Variants in BICD1 observed in about 807,000 individuals in gnomAD.
BICD1 encodes the protein BICD cargo adaptor 1, also known as protein bicaudal D homolog 1.
BICD1 carries 35 observed loss-of-function variants against 92.5 expected under a neutral mutation model. The observed-to-expected ratio is 0.38, with a 90% CI of 0.29 to 0.50. The LOEUF (loss-of-function observed/expected upper bound fraction) is 0.50, where lower values mean the gene tolerates loss of function less well. BICD1 is among the 20% of genes least tolerant of loss of function. The probability of loss-of-function intolerance (pLI) is 0.93; values close to 1 mark genes in which losing one functional copy is unlikely to be tolerated. For synonymous variants in BICD1, 429 were observed against 465.1 expected (o/e 0.92, Z 1.00); for missense variants, 950 against 1,189.8 (o/e 0.80, Z 2.97).
Position 32,305,936 on chromosome 12 carries a change from C to G in BICD1, c.819C>G (p.Ala273=), listed in dbSNP as rs200219193. Residue 273 remains alanine, a synonymous_variant, in exon 4 of 10, where the codon GCC becomes GCG. Coordinates refer to ENST00000652176, the MANE Select transcript of BICD1 (RefSeq NM_001714.4). ...ISISVDGLKF[A]EDGSEPNNDD... is the part of the protein sequence containing the mutation. The stretch of plus-strand genomic sequence containing the variant: ...TCTCAGTAGATGGACTCAAATTTGC[C>G]GAGGATGGGAGTGAACCAAACAATG... 7 of 1,613,932 alleles carry G rather than the reference C, an allele frequency of 4.3e-6. No homozygotes were observed. Among genetic ancestry groups the G allele is most frequent in the Non-Finnish European group, 3.4e-6 (4 of 1,180,026 alleles).
intron 1 of BICD1, among the ~76,000 whole-genome samples, chr12:32,121,919 T>C (rs1391390508): frequency 1.3e-5 from 2 of 151,570 alleles, no homozygotes; most frequent in Non-Finnish European, 2.9e-5. Flanking sequence ...GCTCAAGTGA[T>C]CCTCCTGCCT....
chr12:32,172,115 A>T (rs1244467540), intron 1 of BICD1, among the ~76,000 whole-genome samples: 1 of 152,144 alleles, frequency 6.6e-6, no homozygotes, highest in African/African-American at 2.4e-5. Context: ...CTGGGCACGA[A>T]TGCACACATT....
In BICD1 at chr12:32,213,181, C is replaced by A. The variant is rs139033762; in HGVS notation, c.214-3066C>A. Among the ~76,000 whole-genome samples, 243 of 152,322 alleles carry A rather than the reference C, an allele frequency of 1.6e-3. 1 individual carries two copies. Among genetic ancestry groups the A allele is most frequent in the African/African-American group, 5.5e-3 (227 of 41,576 alleles). ...AATCTAGAATCCCATACAACACTTACTTGTCACGTCTTGTTAGTCTCATCT... is the reference window on the plus strand; with the variant it reads ...AATCTAGAATCCCATACAACACTTAATTGTCACGTCTTGTTAGTCTCATCT... On this transcript the variant is annotated intron_variant, in intron 1 of 9. Transcript: ENST00000652176.
chr12:32,198,322 G>GAATATATATA (rs1565581365), intron 1 of BICD1, among the ~76,000 whole-genome samples: 1 of 45,744 alleles, frequency 2.2e-5, no homozygotes. Flanking sequence ...GGAATAATAT[G>GAATATATATA]CATCTATCTA....
intron 1 of BICD1, among the ~76,000 whole-genome samples, chr12:32,142,839 C>T (rs2121383774): frequency 6.6e-6 from 1 of 152,290 alleles, no homozygotes; most frequent in South Asian, 2.1e-4. Flanking sequence ...CTCTTGTGGA[C>T]TTTATGAAAT....
intron 1 of BICD1, among the ~76,000 whole-genome samples, chr12:32,169,887 C>T (rs200165877): frequency 2.0e-5 from 3 of 152,112 alleles, no homozygotes; most frequent in South Asian, 2.1e-4. Context: ...TGAGCCACTG[C>T]GCCTGGCCCC....
intron 2 of BICD1, among the ~76,000 whole-genome samples, chr12:32,286,705 A>T (rs957316100): frequency 6.6e-6 from 1 of 152,178 alleles, no homozygotes; most frequent in Non-Finnish European, 1.5e-5. Context: ...ACAACACAGG[A>T]AGCTGTCATC....
chr12:32,180,468 A>C (rs1944239069), intron 1 of BICD1, among the ~76,000 whole-genome samples: 1 of 151,930 alleles, frequency 6.6e-6, no homozygotes, highest in Non-Finnish European at 1.5e-5. Context: ...TCAAATTTTT[A>C]ATTTCTGAAC....
intron 1 of BICD1, among the ~76,000 whole-genome samples, chr12:32,116,510 C>CTATATATATA (rs370907481): frequency 8.3e-4 from 87 of 104,354 alleles, no homozygotes; most frequent in South Asian, 3.0e-3. Flanking sequence ...CTCTCTCTCT[C>CTATATATATA]TATATATATA....
At chr12:32,326,966 C>T (rs1209044947) in intron 4 of BICD1, among the ~76,000 whole-genome samples, 1 of 152,146 alleles carries the variant, frequency 6.6e-6, no homozygotes, top group Admixed American at 6.5e-5. Flanking sequence ...TTAAAGTACT[C>T]AGCATTATTT....
intron 2 of BICD1, among the ~76,000 whole-genome samples, chr12:32,255,819 C>T (rs191917364): frequency 4.3e-4 from 65 of 152,304 alleles, no homozygotes; most frequent in African/African-American, 1.5e-3. Flanking sequence ...CTCCCTTGGC[C>T]AGCTGGCCTG....
At chr12:32,159,682 C>T (rs55809651) in intron 1 of BICD1, among the ~76,000 whole-genome samples, 8 of 152,266 alleles carry the variant, frequency 5.3e-5, no homozygotes, top group Middle Eastern at 3.4e-3. Context: ...TTGGTGTGTC[C>T]GTCATTACTG....
rs764833286 is a variant in BICD1, at chr12:32,293,975, G to C, written c.427-19G>C. The C allele has an allele frequency of 6.2e-7, 1 of 1,608,064 alleles. No homozygotes were observed. The highest frequency in any genetic ancestry group is 8.5e-7 in the Non-Finnish European group (1 of 1,177,530). Reference sequence around the variant, plus strand: ...ACAATAAGAGAGTTATATATTGACTGTTTACTCTGTTGTTTCAGAACAATG... The same window carrying C: ...ACAATAAGAGAGTTATATATTGACTCTTTACTCTGTTGTTTCAGAACAATG... On this transcript the variant is annotated intron_variant, in intron 2 of 9. Transcript: ENST00000652176.
chr12:32,350,876 C>A (rs547413141), intron 8 of BICD1, among the ~76,000 whole-genome samples: 1 of 152,278 alleles, frequency 6.6e-6, no homozygotes, highest in African/African-American at 2.4e-5. Flanking sequence ...TCCTTTGTCA[C>A]CTCTCAGCCA....
At chr12:32,177,682 A>ATTCTTTTTTTTTTTTTT (rs766041969) in intron 1 of BICD1, among the ~76,000 whole-genome samples, 4 of 43,036 alleles carry the variant, frequency 9.3e-5, no homozygotes, top group Non-Finnish European at 1.3e-4. Context: ...AAGAAAACAC[A>ATTCTTTTTTTTTTTTTT]TTATTAAAGT....
chr12:32,149,225 A>G (rs1241846410), intron 1 of BICD1, among the ~76,000 whole-genome samples: 1 of 148,070 alleles, frequency 6.8e-6, no homozygotes, highest in Non-Finnish European at 1.5e-5. Flanking sequence ...TACTAAATAT[A>G]GATCTTGGGT....
intron 3 of BICD1, among the ~76,000 whole-genome samples, chr12:32,303,109 AT>A (rs1453077418): frequency 7.3e-5 from 11 of 151,252 alleles, no homozygotes; most frequent in Non-Finnish European, 1.6e-4. Context: ...TAATTTTCTT[AT>A]TTTTTGTAGA....
chr12:32,327,430 G>A (rs1199356783), intron 4 of BICD1, 31 bp from the exon 5 acceptor site: 2 of 1,571,270 alleles, frequency 1.3e-6, no homozygotes, highest in African/African-American at 1.3e-5. Flanking sequence ...CTGCCTTGAG[G>A]TGATTCAGAA....
chr12:32,278,474 T>G (rs1947330902), intron 2 of BICD1, among the ~76,000 whole-genome samples: 1 of 152,164 alleles, frequency 6.6e-6, no homozygotes, highest in Non-Finnish European at 1.5e-5. Flanking sequence ...ATTATAGTAT[T>G]TTATATCTGC....
Sources: allele counts gnomAD v4.1 joint callset (sites outside exome capture counted in the v4.1 genomes callset), GRCh38; gene constraint gnomAD v4.1.1; transcripts MANE v1.5; gene names NCBI Gene and HGNC (gene_info 2026-07-23, HGNC 2026-07-21).